The following ACSS2 variants were observed in gnomAD, a reference collection of about 807,000 sequenced individuals.
ACSS2 encodes the protein acyl-CoA synthetase short chain family member 2.
Under a neutral mutation model 90.6 loss-of-function variants are expected in ACSS2, and 58 were observed. The observed-to-expected ratio is 0.64, with a 90% CI of 0.52 to 0.80. The LOEUF is 0.80. Ranked by LOEUF, ACSS2 falls within the 30% of genes least tolerant of loss-of-function variation. ACSS2 has a pLI of 0.00. For synonymous variants in ACSS2, 300 were observed against 330.9 expected, an observed-to-expected ratio of 0.91 and a Z score of 1.01; for missense variants, 759 against 912.0, an observed-to-expected ratio of 0.83 and a Z score of 2.16.
At chr20:34,875,761 TGG>T (rs1440088770), upstream of ACSS2, 1 of 152,788 alleles carries the variant, frequency 6.5e-6, no homozygotes, top group Admixed American at 6.5e-5. Context: ...TTCCCTTTCC[TGG>T]GTTTGCCATT....
chr20:34,882,765 T>C, intron 1 of ACSS2, 29 bp from the exon 2 acceptor site: 1 of 1,603,260 alleles, frequency 6.2e-7, no homozygotes, highest in Non-Finnish European at 8.5e-7. Context: ...AGAAGATTAA[T>C]GATATCTGGG....
intron 2 of ACSS2, among the ~76,000 whole-genome samples, chr20:34,906,540 G>GGTGTGT (rs374743810): frequency 1.1e-4 from 16 of 150,274 alleles, no homozygotes; most frequent in African/African-American, 3.9e-4. Flanking sequence ...TGCACACTGT[G>GGTGTGT]GTGTGTGTGT....
At chr20:34,882,692 C>T in intron 1 of ACSS2, 102 bp from the exon 2 acceptor site, 1 of 1,097,326 alleles carries the variant, frequency 9.1e-7, no homozygotes, top group Non-Finnish European at 1.3e-6. Context: ...GGTCCTAGGG[C>T]AAGGAAGTTA....
intron 2 of ACSS2, among the ~76,000 whole-genome samples, chr20:34,896,549 A>G (rs900543909): frequency 2.0e-5 from 3 of 152,092 alleles, no homozygotes; most frequent in African/African-American, 7.2e-5. Context: ...TTGTTCATTT[A>G]TTTATTCATT....
chr20:34,917,919 C>T (rs2081109951), intron 7 of ACSS2, among the ~76,000 whole-genome samples: 1 of 151,996 alleles, frequency 6.6e-6, no homozygotes, highest in South Asian at 2.1e-4. Flanking sequence ...CGCCTGGCTA[C>T]TTTTTGTATT....
intron 2 of ACSS2, among the ~76,000 whole-genome samples, chr20:34,905,770 T>C (rs1280977680): frequency 6.6e-6 from 1 of 152,234 alleles, no homozygotes; most frequent in African/African-American, 2.4e-5. Context: ...AGGTTTATTA[T>C]ACATGTGCTG....
chr20:34,910,019 A>T (rs1315889462), intron 2 of ACSS2, among the ~76,000 whole-genome samples: 18 of 138,034 alleles, frequency 1.3e-4, no homozygotes, highest in African/African-American at 3.8e-4. Context: ...GCCTGGCCAA[A>T]TTTTTTTTTT....
intron 2 of ACSS2, among the ~76,000 whole-genome samples, chr20:34,904,153 G>A (rs1208013156): frequency 2.0e-5 from 3 of 151,686 alleles, no homozygotes; most frequent in Non-Finnish European, 1.5e-5. Context: ...CTTTTGGGTA[G>A]GTGAGAAAAA....
At chr20:34,920,851 C>A in intron 9 of ACSS2, 142 bp downstream of exon 9, 1 of 1,456,072 alleles carries the variant, frequency 6.9e-7, no homozygotes, top group South Asian at 1.3e-5. Context: ...GAGGGGGTTG[C>A]GTATCCTGAC....
At chr20:34,926,008 AT>A in intron 15 of ACSS2, 96 bp from the exon 16 acceptor site, 1 of 1,342,112 alleles carries the variant, frequency 7.5e-7, no homozygotes. Flanking sequence ...GGTCTTCTCC[AT>A]TTGGCCAGAC....
intron 2 of ACSS2, among the ~76,000 whole-genome samples, chr20:34,896,209 AG>A (rs1183526056): frequency 5.3e-5 from 8 of 152,192 alleles, no homozygotes; most frequent in Non-Finnish European, 1.2e-4. Context: ...AACATGCAAA[AG>A]GTATTTGGAT....
intron 2 of ACSS2, among the ~76,000 whole-genome samples, chr20:34,898,656 G>A (rs554109699): frequency 4.6e-5 from 7 of 152,360 alleles, no homozygotes; most frequent in African/African-American, 1.4e-4. Context: ...GACAGAGGGT[G>A]CAGATTGGTG....
intron 2 of ACSS2, among the ~76,000 whole-genome samples, chr20:34,890,041 C>T (rs1175882222): frequency 1.3e-5 from 2 of 152,082 alleles, no homozygotes; most frequent in Non-Finnish European, 2.9e-5. Context: ...TGGAATGGAA[C>T]AATGACATTT....
intron 2 of ACSS2, among the ~76,000 whole-genome samples, chr20:34,906,983 CAAA>C (rs1228479859): frequency 2.4e-5 from 1 of 41,590 alleles, no homozygotes. Flanking sequence ...GACTCCATCT[CAAA>C]AAAAAAAAAA....
intron 1 of ACSS2, among the ~76,000 whole-genome samples, chr20:34,881,659 A>G (rs2080074543): frequency 6.6e-6 from 1 of 152,160 alleles, no homozygotes. Context: ...GGGAGTGGAG[A>G]AAAACTTCTA....
At chr20:34,884,626 C>T (rs2080145820) in intron 2 of ACSS2, among the ~76,000 whole-genome samples, 1 of 152,188 alleles carries the variant, frequency 6.6e-6, no homozygotes. Context: ...TAGTTGGGGG[C>T]CAGTTTGTCA....
At position 34,895,118 on chromosome 20, in the gene ACSS2, G is replaced by T. The variant is rs138239216; in HGVS notation, c.374+12129G>T. Among the ~76,000 whole-genome samples the T allele has an allele frequency of 1.5e-4, 23 of 152,148 alleles. No homozygotes were observed. In the East Asian group the frequency reaches 1.7e-3, roughly 11 times the overall value. ...AACTCTTAAAATTATATACCTAAAA[G>T]AATTTTGAAAAATTATGTAACTCTT... is the stretch of plus-strand genomic sequence containing the variant. On this transcript the variant is annotated intron_variant, in intron 2 of 17. Transcript: ENST00000360596.
Position 34,910,855 on chromosome 20 carries a change from C to A in ACSS2, c.375-2241C>A, listed in dbSNP as rs140780983. 8.1e-4 allele frequency among the ~76,000 whole-genome samples: 123 copies of A among 152,310 alleles called. 1 individual carries two copies. In the East Asian group the frequency reaches 0.023, roughly 29 times the overall value. ...ATTTATTTTTTGAGACAGGGACTCACTCTGTTGTCCAGGCTGGAGTTCAGT... is the reference window on the plus strand; with the variant it reads ...ATTTATTTTTTGAGACAGGGACTCAATCTGTTGTCCAGGCTGGAGTTCAGT... On this transcript the variant is annotated intron_variant, in intron 2 of 17. Coordinates refer to ENST00000360596, the MANE Select transcript of ACSS2 (RefSeq NM_018677.4).
chr20:34,910,212 AT>A (rs2080918828), intron 2 of ACSS2, among the ~76,000 whole-genome samples: 1 of 152,150 alleles, frequency 6.6e-6, no homozygotes, highest in South Asian at 2.1e-4. Flanking sequence ...CAAGGGTCTT[AT>A]TAAAGATCAT....
Sources: allele counts gnomAD v4.1 joint callset (sites outside exome capture counted in the v4.1 genomes callset), GRCh38; gene constraint gnomAD v4.1.1; transcripts MANE v1.5; gene names NCBI Gene and HGNC (gene_info 2026-07-23, HGNC 2026-07-21).